ADAMTSL2: variants seen among roughly 807,000 people sequenced by gnomAD.
The protein encoded by ADAMTSL2 is ADAMTS like 2, also known as ADAMTS-like protein 2.
In ADAMTSL2, 55 loss-of-function variants were observed where a neutral mutation model predicts 117.0. That is an observed-to-expected ratio of 0.47 (90% CI 0.38 to 0.59). The LOEUF (loss-of-function observed/expected upper bound fraction) is 0.59, where lower values mean the gene tolerates loss of function less well. ADAMTSL2 is among the 20% of genes least tolerant of loss of function. The pLI is 0.00. For missense variants in ADAMTSL2, 1,182 were observed against 1,354.5 expected (o/e 0.87, Z 2.00); for synonymous variants, 572 against 566.4 (o/e 1.01, Z -0.14).
chr9:133,537,638 C>G, intron 3 of ADAMTSL2, 91 bp downstream of exon 3: 2 of 1,260,062 alleles, frequency 1.6e-6, no homozygotes, highest in South Asian at 3.4e-5. Flanking sequence ...CTGGTGGCTT[C>G]TCCCCCTGGG....
chr9:133,554,583 C>A lies in ADAMTSL2; in HGVS notation c.1166C>A (p.Pro389Gln), dbSNP rs904894177. The change falls in exon 10 of 19, where the codon CCG becomes CAG. Residue 389 changes from proline (P) to glutamine (Q), a missense_variant. Pro to Gln is a moderately conservative substitution (Grantham distance 76). Transcript: ENST00000651351. The surrounding 1 kb of genome is among the most constrained non-coding windows in gnomAD (Gnocchi z 5.2). ...LGLDNRLFGH[P>Q]GLDMELGPSQ... is the part of the protein sequence containing the mutation. ...CTGGACAACCGGCTGTTCGGCCACC[C>A]GGGCCTGGACATGGAGCTGGGCCCC... The A allele has an allele frequency of 1.9e-6, 3 of 1,546,792 alleles. No homozygotes were observed. The highest frequency in any genetic ancestry group is 2.6e-6 in the Non-Finnish European group (3 of 1,146,218).
chr9:133,533,653 G>C (rs1199768094), upstream of ADAMTSL2, among the ~76,000 whole-genome samples: 1 of 152,166 alleles, frequency 6.6e-6, no homozygotes, highest in East Asian at 1.9e-4. Context: ...CAGACACAGG[G>C]CAGAACTTTC....
chr9:133,572,040 C>G (rs1166567537), intron 17 of ADAMTSL2, among the ~76,000 whole-genome samples: 1 of 152,110 alleles, frequency 6.6e-6, no homozygotes, highest in Non-Finnish European at 1.5e-5. Flanking sequence ...GCAGAGAGTC[C>G]AAGAGTCTGT....
chr9:133,569,176 G>C (rs1831046761), intron 15 of ADAMTSL2, among the ~76,000 whole-genome samples: 1 of 152,082 alleles, frequency 6.6e-6, no homozygotes, highest in African/African-American at 2.4e-5. Context: ...GTCGCCTCTG[G>C]GTGGTGGGTG....
rs989167165 is a variant in ADAMTSL2, at chr9:133,555,937, G to A, written c.1649+7G>A. The A allele has an allele frequency of 2.8e-5, 45 of 1,609,718 alleles. No individual in the cohort carries two copies. The African/African-American group carries it at 5.3e-4, about 19-fold the overall frequency. On this transcript the variant is annotated splice_region_variant and intron_variant, in intron 11 of 18. Coordinates refer to ENST00000651351, the MANE Select transcript of ADAMTSL2 (RefSeq NM_014694.4). Reference sequence around the variant, plus strand: ...ACAGGACTCACAAGGCCAGGTAGGAGGCACTTTCCTGAGCCCTGTCCAGGG... The same window carrying A: ...ACAGGACTCACAAGGCCAGGTAGGAAGCACTTTCCTGAGCCCTGTCCAGGG...
chr9:133,545,530 C>T (rs913375545), intron 8 of ADAMTSL2, among the ~76,000 whole-genome samples: 8 of 152,232 alleles, frequency 5.3e-5, no homozygotes, highest in Non-Finnish European at 8.8e-5. Flanking sequence ...TGCCCCTGCC[C>T]CAGCAGGTCT....
At position 133,537,472 on chromosome 9, in the gene ADAMTSL2, G is replaced by A; in HGVS notation, c.158G>A (p.Trp53Ter). 1 of 1,360,982 alleles carries A rather than the reference G, an allele frequency of 7.3e-7. No individual in the cohort carries two copies. Among genetic ancestry groups the A allele is most frequent in the Non-Finnish European group, 9.5e-7 (1 of 1,048,484 alleles). 84.3% of individuals were successfully genotyped at this position (1,360,982 alleles called of 1,614,324 possible). A position where few individuals can be genotyped will look rare whatever the true frequency, so the allele number is the denominator to read the frequency against. ...GCCACGGCCTTCTGGTGGGGGGAGT[G>A]GACCAAGTGGACGGCGTGTTCCCGC... The part of the protein sequence containing the change: ...TDATAFWWGE[W>*]TKWTACSRSC... The change falls in exon 3 of 19, where the codon TGG (tryptophan) becomes TAG (stop). Residue 53 changes from tryptophan (W) to a stop codon, truncating the protein, a stop_gained. Coordinates refer to ENST00000651351, the MANE Select transcript of ADAMTSL2 (RefSeq NM_014694.4). LOFTEE classifies it high-confidence loss of function.
chr9:133,553,536 G>C (rs1350132976), intron 9 of ADAMTSL2, among the ~76,000 whole-genome samples: 1 of 152,152 alleles, frequency 6.6e-6, no homozygotes, highest in East Asian at 1.9e-4. Context: ...CACCAATAGT[G>C]CATTTCCTTT....
chr9:133,565,433 G>A (rs983711648), intron 12 of ADAMTSL2, among the ~76,000 whole-genome samples: 2 of 152,130 alleles, frequency 1.3e-5, no homozygotes, highest in Non-Finnish European at 2.9e-5. Flanking sequence ...GGCACTTGGC[G>A]ATGGTCTGCA....
At chr9:133,564,139 AGAAAGGG>A (rs1479185027) in intron 12 of ADAMTSL2, among the ~76,000 whole-genome samples, 3 of 56,998 alleles carry the variant, frequency 5.3e-5, no homozygotes, top group Non-Finnish European at 1.1e-4. Flanking sequence ...AGAGAGAGAG[AGAAAGGG>A]GGAGAGAGAC....
At position 133,554,212 on chromosome 9, in the gene ADAMTSL2, C is replaced by A; in HGVS notation, c.940-145C>A. Reference sequence around the variant, plus strand: ...CCTGGGGCAGGAGCACTGCGTTGGGCTGGGCTAGTCAGTGTCATTCCCTGA... The same window carrying A: ...CCTGGGGCAGGAGCACTGCGTTGGGATGGGCTAGTCAGTGTCATTCCCTGA... On this transcript the variant is annotated intron_variant, in intron 9 of 18. Coordinates refer to ENST00000651351, the MANE Select transcript of ADAMTSL2 (RefSeq NM_014694.4). This position sits in a 1 kb window ranked among gnomAD's most constrained non-coding sequence, Gnocchi z 5.2. The A allele has an allele frequency of 1.3e-6, 1 of 748,220 alleles. No individual in the cohort carries two copies. Among genetic ancestry groups the A allele is most frequent in the South Asian group, 1.9e-5 (1 of 53,654 alleles). 46.3% of individuals were successfully genotyped at this position (748,220 alleles called of 1,614,324 possible).
intron 13 of ADAMTSL2, 88 bp downstream of exon 13, chr9:133,567,150 C>T: frequency 1.3e-6 from 2 of 1,503,438 alleles, no homozygotes; most frequent in Non-Finnish European, 1.8e-6. Context: ...ACCCCCTGCC[C>T]CGTAGAGGTT....
At chr9:133,539,685 T>TGTCCCGGCTGTCCCGGCTGTCCCG (rs1564493455) in intron 4 of ADAMTSL2, 86 bp from the exon 5 acceptor site, 4,025 of 1,343,300 alleles carry the variant, frequency 3.0e-3, no homozygotes, top group Non-Finnish European at 3.6e-3. Flanking sequence ...CTGTCCCGGC[T>TGTCCCGGCTGTCCCGGCTGTCCCG]GCAGCCACTT....
intron 11 of ADAMTSL2, among the ~76,000 whole-genome samples, chr9:133,560,483 T>A (rs1264430739): frequency 6.6e-6 from 1 of 152,090 alleles, no homozygotes; most frequent in Non-Finnish European, 1.5e-5. Context: ...GATGTGGAGG[T>A]TGGGCCCAGG....
intron 15 of ADAMTSL2, 98 bp from the exon 16 acceptor site, chr9:133,569,310 C>T: frequency 1.5e-6 from 2 of 1,311,972 alleles, no homozygotes; most frequent in Non-Finnish European, 2.2e-6. Context: ...TTCGACACTG[C>T]CTGGGAGCCA....
intron 8 of ADAMTSL2, among the ~76,000 whole-genome samples, chr9:133,546,259 G>T (rs752481477): frequency 6.6e-5 from 10 of 152,118 alleles, no homozygotes; most frequent in Non-Finnish European, 1.5e-4. Context: ...GGGCTGCAGG[G>T]CTTCATGGGC....
chr9:133,571,362 G>C (rs1054781266), intron 17 of ADAMTSL2, among the ~76,000 whole-genome samples: 1 of 152,210 alleles, frequency 6.6e-6, no homozygotes, highest in Non-Finnish European at 1.5e-5. Context: ...GCAAGGGAAG[G>C]GGGGCCTGAA....
intron 1 of ADAMTSL2, among the ~76,000 whole-genome samples, chr9:133,535,683 A>G (rs373874447): frequency 1.3e-5 from 2 of 152,142 alleles, no homozygotes; most frequent in African/African-American, 4.8e-5. Context: ...GGCTTTGAGC[A>G]GGTTGGCTCC....
At chr9:133,551,550 G>C (rs1351680812) in intron 9 of ADAMTSL2, among the ~76,000 whole-genome samples, 1 of 152,204 alleles carries the variant, frequency 6.6e-6, no homozygotes, top group Non-Finnish European at 1.5e-5. Flanking sequence ...ATCTCTAGTA[G>C]GGCCTCGCAG....
Sources: allele counts gnomAD v4.1 joint callset (sites outside exome capture counted in the v4.1 genomes callset), GRCh38; gene constraint gnomAD v4.1.1; non-coding constraint Gnocchi (gnomAD v3.1); transcripts MANE v1.5; gene names NCBI Gene and HGNC (gene_info 2026-07-23, HGNC 2026-07-21).